The following EBF2 variants were observed in gnomAD, a reference collection of about 807,000 sequenced individuals.
EBF2 encodes transcription factor COE2.
EBF2 carries 21 observed loss-of-function variants against 72.8 expected under a neutral mutation model. The ratio of observed to expected loss-of-function variants is 0.29; its 90% CI spans 0.20 to 0.42. EBF2 has a LOEUF of 0.42. Ranked by LOEUF, EBF2 falls within the 10% of genes least tolerant of loss-of-function variation. The probability of loss-of-function intolerance (pLI) is 1.00; values close to 1 mark genes in which losing one functional copy is unlikely to be tolerated. For missense variants in EBF2, 637 were observed against 731.2 expected (o/e 0.87, Z 1.49); for synonymous variants, 299 against 274.2 (o/e 1.09, Z -0.89).
At chr8:25,913,397 C>T (rs183637874) in intron 6 of EBF2, among the ~76,000 whole-genome samples, 14 of 151,834 alleles carry the variant, frequency 9.2e-5, no homozygotes, top group Non-Finnish European at 1.3e-4. Flanking sequence ...GCCGAGATCA[C>T]GCCACTGCAC....
chr8:25,843,845 A>G lies in EBF2; in HGVS notation c.*764T>C, dbSNP rs1487331492. The G allele has an allele frequency of 6.6e-6, 1 of 152,146 alleles. No individual in the cohort carries two copies. Among genetic ancestry groups the G allele is most frequent in the African/African-American group, 2.4e-5 (1 of 41,418 alleles). The allele number at this position is 152,146 out of a possible 1,614,324, so 9.4% of individuals were successfully genotyped here. On this transcript the variant is annotated 3_prime_UTR_variant, in exon 16 of 16. Coordinates refer to ENST00000520164, the MANE Select transcript of EBF2 (RefSeq NM_022659.4). ...GTGATGGAAAAGGAGGGGGTGCAGG[A>G]CAGGGGATAAGAATCTAGTAAGTAA...
chr8:25,908,934 G>T (rs1044292509), intron 6 of EBF2, among the ~76,000 whole-genome samples: 2 of 152,118 alleles, frequency 1.3e-5, no homozygotes, highest in Non-Finnish European at 2.9e-5. Context: ...GCAGGACCCG[G>T]CCCCAGAATC....
chr8:25,997,795 A>G (rs1158200938), intron 6 of EBF2, among the ~76,000 whole-genome samples: 1 of 152,166 alleles, frequency 6.6e-6, no homozygotes, highest in Non-Finnish European at 1.5e-5. Flanking sequence ...CCATAGAACC[A>G]GTTTTCAAAC....
At chr8:25,890,063 T>C (rs568439741) in intron 7 of EBF2, among the ~76,000 whole-genome samples, 194 bp from the exon 8 acceptor site, 1 of 152,308 alleles carries the variant, frequency 6.6e-6, no homozygotes, top group African/African-American at 2.4e-5. Context: ...CTGCCCTTCA[T>C]CCATGCATTG....
chr8:25,967,495 C>T (rs963562382), intron 6 of EBF2, among the ~76,000 whole-genome samples: 1 of 152,206 alleles, frequency 6.6e-6, no homozygotes, highest in African/African-American at 2.4e-5. Flanking sequence ...TGGGCTAAAT[C>T]ATCTAACACA....
chr8:25,853,874 C>G (rs995558846), intron 14 of EBF2, among the ~76,000 whole-genome samples: 1 of 152,008 alleles, frequency 6.6e-6, no homozygotes, highest in East Asian at 1.9e-4. Context: ...ATACTAAGCC[C>G]CCTTTAATTT....
rs552472561 is a variant in EBF2, at chr8:25,932,388, A to G, written c.552-23833T>C. On this transcript the variant is annotated intron_variant, in intron 6 of 15. Coordinates refer to ENST00000520164, the MANE Select transcript of EBF2 (RefSeq NM_022659.4). ...TCAAAAGTCTCTTGATTAAAAAAAA[A>G]AAAAAGAACGGGCAGCGTACGGGAT... Among the ~76,000 whole-genome samples, 70 of 152,256 alleles carry G rather than the reference A, an allele frequency of 4.6e-4. 2 individuals are homozygous for G. The South Asian group carries it at 0.014, about 31-fold the overall frequency.
intron 6 of EBF2, among the ~76,000 whole-genome samples, chr8:25,994,948 TTAAA>T (rs1470502363): frequency 6.6e-6 from 1 of 151,884 alleles, no homozygotes; most frequent in Admixed American, 6.6e-5. Flanking sequence ...AGGAAAAAAA[TTAAA>T]TAAATAAATA....
At chr8:25,925,750 G>T (rs891296656) in intron 6 of EBF2, among the ~76,000 whole-genome samples, 1 of 152,130 alleles carries the variant, frequency 6.6e-6, no homozygotes, top group East Asian at 1.9e-4. Flanking sequence ...CTGCCTGTGA[G>T]TCACGATGGG....
chr8:26,032,429 G>A (rs1209590251), intron 6 of EBF2: 1 of 124,028 alleles, frequency 8.1e-6, no homozygotes, highest in African/African-American at 2.9e-5. Context: ...ATGGGAATAT[G>A]GGGTTTCTTA....
At chr8:25,970,659 C>T (rs1443531166) in intron 6 of EBF2, among the ~76,000 whole-genome samples, 1 of 152,174 alleles carries the variant, frequency 6.6e-6, no homozygotes, top group African/African-American at 2.4e-5. Flanking sequence ...AGGATGCAGC[C>T]TGCAGAAATG....
chr8:25,986,829 T>C (rs899700780), intron 6 of EBF2, among the ~76,000 whole-genome samples: 3 of 152,214 alleles, frequency 2.0e-5, no homozygotes, highest in East Asian at 3.9e-4. Context: ...TAAGCCAGCA[T>C]GTTCCAAGAT....
intron 6 of EBF2, among the ~76,000 whole-genome samples, chr8:25,964,613 GTGGGTGTCC>G (rs1451016302): frequency 6.6e-6 from 1 of 152,230 alleles, no homozygotes; most frequent in Non-Finnish European, 1.5e-5. Context: ...AGGGAAGTAA[GTGGGTGTCC>G]TGGACACGGT....
chr8:25,885,612 G>T (rs140533204), intron 10 of EBF2, among the ~76,000 whole-genome samples: 1,902 of 152,264 alleles, frequency 0.012, 39 homozygotes, highest in African/African-American at 0.044. Context: ...GTGGGAGATA[G>T]TTGAATCATG....
intron 1 of EBF2, 145 bp from the exon 2 acceptor site, chr8:26,042,396 C>A (rs1805618479): frequency 5.6e-6 from 6 of 1,075,890 alleles, no homozygotes; most frequent in South Asian, 1.9e-5. Context: ...TTTTCCAATT[C>A]GGATAAGGAA....
chr8:25,858,261 A>G lies in EBF2; in HGVS notation c.1528+58T>C, dbSNP rs1044075620. ...ATGCAACTTTCTCCCAAAAGGCCCAATAGTAAAACCCAGAGACAAAAAAGC... is the reference window on the plus strand; with the variant it reads ...ATGCAACTTTCTCCCAAAAGGCCCAGTAGTAAAACCCAGAGACAAAAAAGC... On this transcript the variant is annotated intron_variant, in intron 14 of 15. Coordinates refer to ENST00000520164, the MANE Select transcript of EBF2 (RefSeq NM_022659.4). The G allele has an allele frequency of 1.3e-5, 21 of 1,600,014 alleles. No homozygotes were observed. The South Asian group carries it at 2.0e-4, about 15-fold the overall frequency.
chr8:25,976,388 A>G (rs1240025758), intron 6 of EBF2, among the ~76,000 whole-genome samples: 1 of 152,214 alleles, frequency 6.6e-6, no homozygotes, highest in Non-Finnish European at 1.5e-5. Flanking sequence ...AATATTTTGT[A>G]GTCCCCTATA....
chr8:25,861,078 A>T lies in EBF2; in HGVS notation c.1313T>A (p.Ile438Asn). Residue 438 changes from isoleucine (I) to asparagine (N), a missense_variant, in exon 13 of 16, where the codon ATC becomes AAC. Physicochemically the swap from Ile to Asn is moderately radical, Grantham distance 149. Coordinates refer to ENST00000520164, the MANE Select transcript of EBF2 (RefSeq NM_022659.4). The part of the protein sequence containing the change: ...NSYGSQLGVS[I>N]SESTQGNNQG... ...ATTATTTCCTTGTGTTGACTCTGAG[A>T]TGCTGACCCCAAGCTGGCTGCCATA... 1.9e-6 allele frequency: 3 copies of T among 1,614,140 alleles called. No individual in the cohort carries two copies. Among genetic ancestry groups the T allele is most frequent in the Non-Finnish European group, 1.7e-6 (2 of 1,180,018 alleles).
At chr8:25,845,118 T>C (rs998409776) in intron 15 of EBF2, among the ~76,000 whole-genome samples, 1 of 152,044 alleles carries the variant, frequency 6.6e-6, no homozygotes, top group African/African-American at 2.4e-5. Flanking sequence ...ACTTCTTTGG[T>C]GAGTGCATTT....
Sources: allele counts gnomAD v4.1 joint callset (sites outside exome capture counted in the v4.1 genomes callset), GRCh38; gene constraint gnomAD v4.1.1; transcripts MANE v1.5; gene names NCBI Gene and HGNC (gene_info 2026-07-23, HGNC 2026-07-21).